Variants in ATM observed in about 807,000 individuals in gnomAD.
ATM encodes ATM serine/threonine kinase.
A neutral mutation model predicts 387.0 loss-of-function variants in ATM; 308 were observed. The observed-to-expected ratio is 0.80, with a 90% CI of 0.73 to 0.87. ATM has a LOEUF of 0.87. Ranked by LOEUF, ATM falls within the 40% of genes least tolerant of loss-of-function variation. The pLI, the probability that ATM is intolerant of heterozygous loss-of-function variation, is 0.00. For missense variants in ATM, 3,312 were observed against 3,560.9 expected, an observed-to-expected ratio of 0.93 and a Z score of 1.78; for synonymous variants, 1,156 against 1,187.3, an observed-to-expected ratio of 0.97 and a Z score of 0.54.
intron 44 of ATM, 49 bp downstream of exon 44, chr11:108,320,107 C>G (rs1310445912): frequency 7.3e-7 from 1 of 1,373,608 alleles, no homozygotes; most frequent in Admixed American, 1.7e-5. Flanking sequence ...AATGTCATGG[C>G]TTCTTTTCTG....
At chr11:108,279,378 A>G (rs1322474031) in intron 22 of ATM, 113 bp from the exon 23 acceptor site, 10 of 784,152 alleles carry the variant, frequency 1.3e-5, no homozygotes, top group East Asian at 8.0e-5. Context: ...CTAGTATGTT[A>G]TTATGTCTCA....
chr11:108,322,284 A>C (rs1292732789), intron 45 of ATM, among the ~76,000 whole-genome samples: 3 of 152,050 alleles, frequency 2.0e-5, no homozygotes, highest in Non-Finnish European at 4.4e-5. Context: ...CCTCCCGAGT[A>C]GCTGGGATTA....
At position 108,253,806 on chromosome 11, in the gene ATM, T is replaced by A. The variant is rs529035779; in HGVS notation, c.1899-8T>A. ...GGTTTATATATTAAAGATCTTACTT[T>A]CTTGAAGTGAACACCACCAAAAAGA... is the stretch of plus-strand genomic sequence containing the variant. On this transcript the variant is annotated splice_polypyrimidine_tract_variant and splice_region_variant and intron_variant, in intron 12 of 62. Coordinates refer to ENST00000675843, the MANE Select transcript of ATM (RefSeq NM_000051.4). The A allele has an allele frequency of 6.2e-7, 1 of 1,607,866 alleles. No individual in the cohort carries two copies. Among genetic ancestry groups the A allele is most frequent in the African/African-American group, 1.3e-5 (1 of 74,800 alleles).
At chr11:108,245,650 G>A (rs2079810698) in intron 7 of ATM, among the ~76,000 whole-genome samples, 2 of 151,920 alleles carry the variant, frequency 1.3e-5, no homozygotes, top group African/African-American at 4.8e-5. Flanking sequence ...CTTTTCTGTA[G>A]TTAGGAACTT....
intron 26 of ATM, chr11:108,287,305 C>A (rs1336030965): frequency 1.5e-5 from 3 of 199,080 alleles, no homozygotes; most frequent in Non-Finnish European, 3.0e-5. Flanking sequence ...CCAGGTCATA[C>A]AACTTAATGA....
intron 34 of ATM, among the ~76,000 whole-genome samples, chr11:108,300,547 G>A (rs546987060): frequency 1.3e-5 from 2 of 152,210 alleles, no homozygotes; most frequent in African/African-American, 2.4e-5. Context: ...AGATAAATAC[G>A]TGTTTTGATT....
intron 22 of ATM, among the ~76,000 whole-genome samples, chr11:108,277,352 G>GCCC (rs1165697537): frequency 6.6e-6 from 1 of 152,146 alleles, no homozygotes; most frequent in African/African-American, 2.4e-5. Flanking sequence ...CCTGGCTTCA[G>GCCC]CCCCCTTTCT....
At chr11:108,317,323 T>C (rs2136159361) in intron 42 of ATM, 50 bp from the exon 43 acceptor site, 2 of 1,575,744 alleles carry the variant, frequency 1.3e-6, no homozygotes, top group Non-Finnish European at 1.7e-6. Context: ...TCTGGTTTTC[T>C]GTTGATATCT....
At chr11:108,300,382 A>G (rs944381741) in intron 34 of ATM, among the ~76,000 whole-genome samples, 2 of 152,142 alleles carry the variant, frequency 1.3e-5, no homozygotes, top group Middle Eastern at 3.2e-3. Context: ...CACATATCAA[A>G]ATTTCAACTG....
At chr11:108,245,443 A>G (rs988866621) in intron 7 of ATM, among the ~76,000 whole-genome samples, 8 of 152,218 alleles carry the variant, frequency 5.3e-5, no homozygotes, top group Non-Finnish European at 7.3e-5. Flanking sequence ...CAGATTATTC[A>G]GCTCCTGAGG....
rs730881341 is a variant in ATM, at chr11:108,251,900, G to A, written c.1671G>A (p.Met557Ile). ...GTATAGTTCCAGGAACGGTAAAAATGGGAATAGAGCAAAATATGTGTGAAG... is the reference window on the plus strand; with the variant it reads ...GTATAGTTCCAGGAACGGTAAAAATAGGAATAGAGCAAAATATGTGTGAAG... ...TTSIVPGTVK[M>I]GIEQNMCEVN... The change falls in exon 11 of 63, where the codon ATG becomes ATA. Residue 557 changes from methionine (M) to isoleucine (I), a missense_variant. Physicochemically the swap from Met to Ile is conservative, Grantham distance 10. Transcript: ENST00000675843. 3 of 1,613,778 alleles carry A rather than the reference G, an allele frequency of 1.9e-6. No individual in the cohort carries two copies. Among genetic ancestry groups the A allele is most frequent in the Non-Finnish European group, 2.5e-6 (3 of 1,179,854 alleles).
intron 5 of ATM, among the ~76,000 whole-genome samples, chr11:108,238,272 C>T (rs1210101622): frequency 6.6e-6 from 1 of 151,242 alleles, no homozygotes; most frequent in Admixed American, 6.6e-5. Flanking sequence ...TAATTGTCAG[C>T]ATATAGATTT....
Position 108,317,362 on chromosome 11 carries a change from C to T in ATM, c.6199-11C>T, listed in dbSNP as rs2136161477. The T allele has an allele frequency of 6.2e-7, 1 of 1,607,910 alleles. No individual in the cohort carries two copies. The highest frequency in any genetic ancestry group is 1.7e-4 in the Middle Eastern group (1 of 6,028). ...ATTACTTAACTTAAAAACAAAATAACTCCTGTTTAGGCCTTGCAGAATTTG... is the reference window on the plus strand; with the variant it reads ...ATTACTTAACTTAAAAACAAAATAATTCCTGTTTAGGCCTTGCAGAATTTG... On this transcript the variant is annotated splice_polypyrimidine_tract_variant and intron_variant, in intron 42 of 62. Coordinates refer to ENST00000675843, the MANE Select transcript of ATM (RefSeq NM_000051.4).
chr11:108,362,886 A>AT (rs2090946732), intron 61 of ATM, among the ~76,000 whole-genome samples: 1 of 151,868 alleles, frequency 6.6e-6, no homozygotes, highest in Non-Finnish European at 1.5e-5. Flanking sequence ...CCAGCATGGC[A>AT]TATGTATACA....
rs202208861 is a variant in ATM, at chr11:108,246,964, G to T, written c.902G>T (p.Gly301Val). Residue 301 changes from glycine (G) to valine (V), a missense_variant and splice_region_variant, in exon 8 of 63, where the codon GGT becomes GTT. By Grantham distance (109) the Gly-to-Val change is moderately radical. This residue lies in a region of ATM where 1,791 missense variants were observed against 1,804.5 expected (regional missense o/e 0.99). Coordinates refer to ENST00000675843, the MANE Select transcript of ATM (RefSeq NM_000051.4). The stretch of plus-strand genomic sequence containing the variant: ...TACATTTTAATTTTTTGGATTACAG[G>T]TGCTTATGAATCAACAAAATGGAGA... ...HPKGAKTQEK[G>V]AYESTKWRSI... 6.2e-7 allele frequency: 1 copy of T among 1,607,928 alleles called. No homozygotes were observed.
At chr11:108,311,577 A>G (rs987081898) in intron 39 of ATM, among the ~76,000 whole-genome samples, 6 of 152,166 alleles carry the variant, frequency 3.9e-5, no homozygotes, top group African/African-American at 1.2e-4. Flanking sequence ...CTGCACATGT[A>G]GTCCCAGCAA....
intron 26 of ATM, among the ~76,000 whole-genome samples, chr11:108,285,699 C>T (rs768119521): frequency 9.2e-5 from 14 of 151,472 alleles, no homozygotes; most frequent in Non-Finnish European, 1.9e-4. Flanking sequence ...CTATTCAGAA[C>T]TGGTTGTAAG....
In ATM at chr11:108,304,662, T is replaced by G; in HGVS notation, c.5497-13T>G. On this transcript the variant is annotated splice_polypyrimidine_tract_variant and intron_variant, in intron 36 of 62. Coordinates refer to ENST00000675843, the MANE Select transcript of ATM (RefSeq NM_000051.4). ...TACTCAAACTATTGGGTGGATTTGT[T>G]TGTATATTCTAGGTGAAAACTGACT... 1 of 1,612,494 alleles carries G rather than the reference T, an allele frequency of 6.2e-7. No individual in the cohort carries two copies. The highest frequency in any genetic ancestry group is 8.5e-7 in the Non-Finnish European group (1 of 1,178,676).
At chr11:108,334,555 G>A (rs2086624485) in intron 54 of ATM, among the ~76,000 whole-genome samples, 1 of 152,098 alleles carries the variant, frequency 6.6e-6, no homozygotes, top group Non-Finnish European at 1.5e-5. Flanking sequence ...TCATTTTGCA[G>A]TTTAGTGCTT....
Sources: gnomAD v4.1 joint callset for allele counts (sites outside exome capture counted in the v4.1 genomes callset) on GRCh38, gnomAD v4.1.1 for gene constraint, gnomAD v4.1.1 regional missense constraint, MANE v1.5 for transcripts, NCBI Gene and HGNC (gene_info 2026-07-23, HGNC 2026-07-21) for gene names.